Variants in ZNF780A observed in about 807,000 individuals in gnomAD.
ZNF780A encodes zinc finger protein 780A.
In ZNF780A, 40 loss-of-function variants were observed where a neutral mutation model predicts 56.7. The observed-to-expected ratio is 0.71, with a 90% CI of 0.55 to 0.92. The LOEUF is 0.92. Among genes scored for constraint, ZNF780A ranks in the 40% least tolerant of loss-of-function variants. ZNF780A has a pLI of 0.00. For synonymous variants in ZNF780A, 231 were observed against 248.3 expected (o/e 0.93, Z 0.66); for missense variants, 672 against 783.3 (o/e 0.86, Z 1.70).
At chr19:40,076,438 A>G (rs1168575199) in intron 5 of ZNF780A, among the ~76,000 whole-genome samples, 2 of 152,198 alleles carry the variant, frequency 1.3e-5, no homozygotes, top group Non-Finnish European at 2.9e-5. Context: ...AAAATAGGAA[A>G]ATGAACCACA....
At chr19:40,076,284 G>A in intron 5 of ZNF780A, 75 bp from the exon 6 acceptor site, 1 of 1,388,220 alleles carries the variant, frequency 7.2e-7, no homozygotes, top group Non-Finnish European at 9.6e-7. Context: ...TTTGTCAACT[G>A]AAACCATCAA....
chr19:40,086,342 A>G (rs988254328), intron 2 of ZNF780A, among the ~76,000 whole-genome samples: 15 of 152,254 alleles, frequency 9.9e-5, no homozygotes, highest in African/African-American at 2.9e-4. Flanking sequence ...AAATAAAAAC[A>G]GAGTTATCAG....
At chr19:40,077,882 C>CA (rs1212498266) in intron 5 of ZNF780A, among the ~76,000 whole-genome samples, 1,904 of 111,570 alleles carry the variant, frequency 0.017, 22 homozygotes, top group African/African-American at 0.033. Flanking sequence ...CAGGAAATAA[C>CA]AAAAAAAAAA....
At chr19:40,071,199 T>C (rs1277762812), downstream of ZNF780A, 1 of 152,214 alleles carries the variant, frequency 6.6e-6, no homozygotes, top group Non-Finnish European at 1.5e-5. Context: ...TATCATTTTA[T>C]AGATTTTTAA....
In ZNF780A at chr19:40,080,058, TA is replaced by T. The variant is rs377072331; in HGVS notation, c.232+1760del. 6.7e-3 allele frequency among the ~76,000 whole-genome samples: 1,012 copies of T among 150,240 alleles called. 5 individuals are homozygous for T. Among genetic ancestry groups the T allele is most frequent in the Non-Finnish European group, 0.012 (790 of 67,358 alleles). On this transcript the variant is annotated intron_variant, in intron 5 of 5. Coordinates refer to ENST00000683561, the MANE Select transcript of ZNF780A (RefSeq NM_001142578.2). Reference sequence around the variant, plus strand: ...GAGAAGAAATAAGCAAAATCAGAAATAAAAAAAGGAGATATTACCACTGACA... The same window carrying T: ...GAGAAGAAATAAGCAAAATCAGAAATAAAAAAGGAGATATTACCACTGACA...
At position 40,081,929 on chromosome 19, in the gene ZNF780A, C is replaced by T. The variant is rs376849200; in HGVS notation, c.137-15G>A. On this transcript the variant is annotated splice_polypyrimidine_tract_variant and intron_variant, in intron 4 of 5. Transcript: ENST00000683561. ...AATGGAACTTCCTGCTTAAAAGAAA[C>T]GACACATGTAGAATTTTTTTAATAC... is the stretch of plus-strand genomic sequence containing the variant. 37 of 1,577,944 alleles carry T rather than the reference C, an allele frequency of 2.3e-5. No individual in the cohort carries two copies. Among genetic ancestry groups the T allele is most frequent in the Middle Eastern group, 1.7e-4 (1 of 5,904 alleles).
Position 40,075,297 on chromosome 19 carries a change from A to G in ZNF780A, c.1145T>C (p.Ile382Thr), listed in dbSNP as rs1274869079. The G allele has an allele frequency of 1.2e-6, 2 of 1,613,438 alleles. No homozygotes were observed. The highest frequency in any genetic ancestry group is 1.7e-6 in the Non-Finnish European group (2 of 1,179,916). Residue 382 changes from isoleucine (I) to threonine (T), a missense_variant, in exon 6 of 6, where the codon ATT becomes ACT. Transcript: ENST00000683561. Reference sequence around the variant, plus strand: ...TTCAAACGGTTTTTCACCTGTGTGAATGTTCTTATGGCGATTAAGCTGGTT... The same window carrying G: ...TTCAAACGGTTTTTCACCTGTGTGAGTGTTCTTATGGCGATTAAGCTGGTT... The part of the protein sequence containing the change: ...LLNQLNRHKN[I>T]HTGEKPFECK...
chr19:40,077,509 C>T (rs114289457), intron 5 of ZNF780A, among the ~76,000 whole-genome samples: 153 of 152,262 alleles, frequency 1.0e-3, no homozygotes, highest in African/African-American at 3.6e-3. Context: ...TGGTGCTAAG[C>T]CATTCATGAG....
In ZNF780A at chr19:40,074,449, A is replaced by G; in HGVS notation, c.*67T>C. 6.3e-7 allele frequency: 1 copy of G among 1,594,110 alleles called. No homozygotes were observed. Among genetic ancestry groups the G allele is most frequent in the Non-Finnish European group, 8.5e-7 (1 of 1,170,252 alleles). Reference sequence around the variant, plus strand: ...CCTTACATTCACATGGTTTTACACCAGCACGAATACTCTGATGTTGAACAT... The same window carrying G: ...CCTTACATTCACATGGTTTTACACCGGCACGAATACTCTGATGTTGAACAT... On this transcript the variant is annotated 3_prime_UTR_variant, in exon 6 of 6. Transcript: ENST00000683561.
rs146284802 is a variant in ZNF780A, at chr19:40,074,209, C to T, written c.*307G>A. 1.2e-3 allele frequency: 1,717 copies of T among 1,403,398 alleles called. 3 individuals are homozygous for T. Among genetic ancestry groups the T allele is most frequent in the Non-Finnish European group, 1.2e-3 (1,293 of 1,067,440 alleles). The allele number at this position is 1,403,398 out of a possible 1,614,324, so 86.9% of individuals were successfully genotyped here. A position where few individuals can be genotyped will look rare whatever the true frequency, so the allele number is the denominator to read the frequency against. Reference sequence around the variant, plus strand: ...AATGGCTTCTCGCCAGTATGAATGACCTGAAGTCCAGCAAGCTGTGTCAGA... The same window carrying T: ...AATGGCTTCTCGCCAGTATGAATGATCTGAAGTCCAGCAAGCTGTGTCAGA... On this transcript the variant is annotated 3_prime_UTR_variant, in exon 6 of 6. Coordinates refer to ENST00000683561, the MANE Select transcript of ZNF780A (RefSeq NM_001142578.2).
intron 5 of ZNF780A, among the ~76,000 whole-genome samples, chr19:40,080,389 T>C (rs1015230235): frequency 6.6e-6 from 1 of 152,218 alleles, no homozygotes; most frequent in Admixed American, 6.5e-5. Flanking sequence ...CCTATGTTTA[T>C]TGTAGCACTA....
chr19:40,071,714 C>T (rs971140243), downstream of ZNF780A: 2 of 152,314 alleles, frequency 1.3e-5, no homozygotes, highest in African/African-American at 4.8e-5. Flanking sequence ...AGGACCTGTA[C>T]TTAAATGTTT....
rs1599825394 is a variant in ZNF780A, at chr19:40,073,713, T to A, written c.*803A>T. ...CTCAGAAGTATGAATACTCAGAAGT[T>A]GAGCAAATCCCAGGCCATGATGAAA... On this transcript the variant is annotated 3_prime_UTR_variant, in exon 6 of 6. Coordinates refer to ENST00000683561, the MANE Select transcript of ZNF780A (RefSeq NM_001142578.2). 1 of 985,918 alleles carries A rather than the reference T, an allele frequency of 1.0e-6. No homozygotes were observed. The highest frequency in any genetic ancestry group is 1.1e-4 in the East Asian group (1 of 8,832). The allele number at this position is 985,918 out of a possible 1,614,324, so 61.1% of individuals were successfully genotyped here. A position where few individuals can be genotyped will look rare whatever the true frequency, so the allele number is the denominator to read the frequency against.
rs1973898325 is a variant in ZNF780A at position 40,073,169 on chromosome 19, T to C, written c.*1347A>G. On this transcript the variant is annotated 3_prime_UTR_variant, in exon 6 of 6. Transcript: ENST00000683561. The stretch of plus-strand genomic sequence containing the variant: ...ACAACAAATATACAAAAAATAAACG[T>C]GCAAATTGTTAACAATTTTGAATCT... 2 of 994,680 alleles carry C rather than the reference T, an allele frequency of 2.0e-6. No individual in the cohort carries two copies. Among genetic ancestry groups the C allele is most frequent in the Non-Finnish European group, 1.3e-6 (1 of 762,674 alleles). The allele number at this position is 994,680 out of a possible 1,614,324, so 61.6% of individuals were successfully genotyped here.
intron 2 of ZNF780A, chr19:40,085,080 A>G: frequency 2.1e-6 from 2 of 934,780 alleles, no homozygotes; most frequent in African/African-American, 3.6e-5. Context: ...TGTGGCTTCC[A>G]GCCAGTCCTC....
At chr19:40,077,386 G>A (rs930440626) in intron 5 of ZNF780A, among the ~76,000 whole-genome samples, 1 of 152,104 alleles carries the variant, frequency 6.6e-6, no homozygotes. Context: ...GACAAAGAAT[G>A]TCACACAGCA....
intron 3 of ZNF780A, among the ~76,000 whole-genome samples, 153 bp downstream of exon 3, chr19:40,084,592 C>CTT (rs745698370): frequency 6.9e-6 from 1 of 144,526 alleles, no homozygotes; most frequent in Non-Finnish European, 1.5e-5. Context: ...AGAGCAGTGA[C>CTT]TTTTTTTTTT....
At chr19:40,083,296 G>A in intron 3 of ZNF780A, 59 bp from the exon 4 acceptor site, 1 of 1,605,514 alleles carries the variant, frequency 6.2e-7, no homozygotes. Context: ...TAAGATGAAA[G>A]GAGAGGAAGT....
chr19:40,084,288 T>C (rs1160580532), intron 3 of ZNF780A, among the ~76,000 whole-genome samples: 1 of 152,160 alleles, frequency 6.6e-6, no homozygotes, highest in Non-Finnish European at 1.5e-5. Context: ...CCTATCATTT[T>C]CCTAAAAGCC....
Sources: allele counts gnomAD v4.1 joint callset (sites outside exome capture counted in the v4.1 genomes callset), GRCh38; gene constraint gnomAD v4.1.1; transcripts MANE v1.5; gene names NCBI Gene and HGNC (gene_info 2026-07-23, HGNC 2026-07-21).